AFAP1: variants seen among roughly 807,000 people sequenced by gnomAD.
AFAP1 encodes the protein actin filament associated protein 1.
A neutral mutation model predicts 93.9 loss-of-function variants in AFAP1; 75 were observed. That is an observed-to-expected ratio of 0.80 (90% CI 0.66 to 0.97). The LOEUF is 0.97. AFAP1 is among the 50% of genes least tolerant of loss of function. The probability of loss-of-function intolerance (pLI) is 0.00; values close to 1 mark genes in which losing one functional copy is unlikely to be tolerated. For synonymous variants in AFAP1, 517 were observed against 430.7 expected, an observed-to-expected ratio of 1.20 and a Z score of -2.48; for missense variants, 1,201 against 1,050.8, an observed-to-expected ratio of 1.14 and a Z score of -1.98.
chr4:7,765,732 C>T (rs1577168036), intron 17 of AFAP1, among the ~76,000 whole-genome samples: 1 of 152,326 alleles, frequency 6.6e-6, no homozygotes, highest in East Asian at 1.9e-4. Context: ...TGGAGGACAG[C>T]AGAAGGCACA....
At chr4:7,909,737 A>G (rs866294828) in intron 1 of AFAP1, among the ~76,000 whole-genome samples, 2 of 152,168 alleles carry the variant, frequency 1.3e-5, no homozygotes, top group African/African-American at 4.8e-5. Flanking sequence ...TTTTTACTGT[A>G]TATCAGAACC....
intron 6 of AFAP1, among the ~76,000 whole-genome samples, chr4:7,820,670 G>C (rs961418260): frequency 6.6e-6 from 1 of 152,120 alleles, no homozygotes; most frequent in South Asian, 2.1e-4. Context: ...GGGGGAGGAG[G>C]AGATGAGCAA....
chr4:7,829,061 C>T (rs539193321), intron 6 of AFAP1, among the ~76,000 whole-genome samples: 86 of 152,302 alleles, frequency 5.6e-4, no homozygotes, highest in African/African-American at 1.6e-3. Flanking sequence ...TCTTTTGCTC[C>T]GCACTTCTCT....
intron 1 of AFAP1, among the ~76,000 whole-genome samples, chr4:7,899,789 C>T (rs1030232968): frequency 2.6e-5 from 4 of 152,042 alleles, no homozygotes; most frequent in African/African-American, 4.8e-5. Flanking sequence ...CCAGAGATGG[C>T]AAATAGGCTT....
intron 1 of AFAP1, among the ~76,000 whole-genome samples, chr4:7,928,794 G>A (rs909262929): frequency 5.9e-5 from 9 of 152,108 alleles, no homozygotes; most frequent in African/African-American, 1.9e-4. Context: ...CTTCATACTC[G>A]TCCCACCTGT....
intron 15 of AFAP1, chr4:7,774,513 G>A: frequency 1.7e-6 from 1 of 604,082 alleles, no homozygotes; most frequent in Non-Finnish European, 2.7e-6. Flanking sequence ...CAGCGTGTGG[G>A]TCTGGCCCTG....
chr4:7,890,901 G>A (rs1373025326), intron 1 of AFAP1, among the ~76,000 whole-genome samples: 1 of 152,078 alleles, frequency 6.6e-6, no homozygotes, highest in African/African-American at 2.4e-5. Context: ...ATGAGATCCA[G>A]TAATGCCACT....
Position 7,768,939 on chromosome 4 carries a change from C to T in AFAP1, c.2323G>A (p.Gly775Ser), listed in dbSNP as rs757167105. 3 of 1,613,898 alleles carry T rather than the reference C, an allele frequency of 1.9e-6. No homozygotes were observed. The highest frequency in any genetic ancestry group is 2.2e-5 in the East Asian group (1 of 44,876). ...ISSCDTSDTE[G>S]PVPVNSAAVL... ...GCCGCGCTGTTCACCGGCACGGGGC[C>T]CTCGGTGTCACTGGTGTCACAGCTG... The change falls in exon 17 of 18, where the codon GGC becomes AGC. Residue 775 changes from glycine (G) to serine (S), a missense_variant. Gly to Ser is a moderately conservative substitution (Grantham distance 56, BLOSUM62 0). Coordinates refer to ENST00000420658, the MANE Select transcript of AFAP1 (RefSeq NM_001134647.2).
intron 7 of AFAP1, among the ~76,000 whole-genome samples, chr4:7,818,498 G>C (rs1031474897): frequency 3.9e-5 from 6 of 152,178 alleles, no homozygotes; most frequent in Non-Finnish European, 8.8e-5. Flanking sequence ...ATGGCAGGAA[G>C]CCAGGGGTCT....
intron 6 of AFAP1, among the ~76,000 whole-genome samples, chr4:7,836,802 C>T (rs964785080): frequency 2.0e-5 from 3 of 151,460 alleles, no homozygotes; most frequent in African/African-American, 7.3e-5. Context: ...ATGGTGATGG[C>T]TGCACAACTC....
chr4:7,777,113 C>T (rs1454644972), intron 14 of AFAP1: 2 of 152,146 alleles, frequency 1.3e-5, no homozygotes, highest in Non-Finnish European at 2.9e-5. Context: ...ATTGAGACTC[C>T]GTGGGACTCC....
chr4:7,835,863 T>C (rs1297540999), intron 6 of AFAP1, among the ~76,000 whole-genome samples: 2 of 151,728 alleles, frequency 1.3e-5, no homozygotes, highest in Non-Finnish European at 2.9e-5. Context: ...TGGGTGGCTC[T>C]TGAATGGACT....
Position 7,913,088 on chromosome 4 carries a change from C to T in AFAP1, c.-3+26568G>A, listed in dbSNP as rs114721224. On this transcript the variant is annotated intron_variant, in intron 1 of 17. Transcript: ENST00000420658. ...TGGTCTGCAACTCCTAGGCTCAAGTCATCATCCCACTTATATGGGGCCAGG... is the reference window on the plus strand; with the variant it reads ...TGGTCTGCAACTCCTAGGCTCAAGTTATCATCCCACTTATATGGGGCCAGG... 7.1e-3 allele frequency among the ~76,000 whole-genome samples: 1,084 copies of T among 152,230 alleles called. 9 individuals carry two copies. The highest frequency in any genetic ancestry group is 0.02 in the Middle Eastern group (6 of 294).
rs78945373 is a variant in AFAP1, at chr4:7,862,120, C to T, written c.225+6502G>A. 3.9e-5 allele frequency: 6 copies of T among 152,144 alleles called. No individual in the cohort carries two copies. The East Asian group carries it at 1.2e-3, about 29-fold the overall frequency. 9.4% of individuals were successfully genotyped at this position (152,144 alleles called of 1,614,324 possible). A position where few individuals can be genotyped will look rare whatever the true frequency, so the allele number is the denominator to read the frequency against. ...GGGTGAGGTGGGAGAATCACTTAAG[C>T]CCAGGAGTTCAAGACTAGCCTGGGA... On this transcript the variant is annotated intron_variant, in intron 3 of 17. Coordinates refer to ENST00000420658, the MANE Select transcript of AFAP1 (RefSeq NM_001134647.2).
At chr4:7,864,093 C>CCTTCCCAACTTCCCATCACAACA (rs1716094304) in intron 3 of AFAP1, among the ~76,000 whole-genome samples, 1 of 6,522 alleles carries the variant, frequency 1.5e-4, no homozygotes. Context: ...CCATCACAAC[C>CCTTCCCAACTTCCCATCACAACA]CATTCCCAAC....
chr4:7,840,271 T>TGTGTGTGC (rs768853149), intron 5 of AFAP1, among the ~76,000 whole-genome samples: 11 of 130,668 alleles, frequency 8.4e-5, no homozygotes, highest in East Asian at 2.1e-4. Flanking sequence ...GATGTGTGTG[T>TGTGTGTGC]GTGTGTGTGT....
At chr4:7,780,655 TTTTA>T (rs1489152148) in intron 13 of AFAP1, among the ~76,000 whole-genome samples, 1 of 151,996 alleles carries the variant, frequency 6.6e-6, no homozygotes, top group Non-Finnish European at 1.5e-5. Flanking sequence ...TTTTTTTTTT[TTTTA>T]AAAAGGCCTA....
chr4:7,780,782 T>C (rs1378183671), intron 13 of AFAP1, among the ~76,000 whole-genome samples: 3 of 152,200 alleles, frequency 2.0e-5, no homozygotes, highest in Non-Finnish European at 2.9e-5. Flanking sequence ...AAGTCCTTAT[T>C]ATCGTTATCT....
intron 10 of AFAP1, 111 bp from the exon 11 acceptor site, chr4:7,793,937 C>A: frequency 8.1e-7 from 1 of 1,239,660 alleles, no homozygotes; most frequent in Non-Finnish European, 1.1e-6. Context: ...ACATGATGTC[C>A]CTAAGAAGAA....
Sources: gnomAD v4.1 joint callset for allele counts (sites outside exome capture counted in the v4.1 genomes callset) on GRCh38, gnomAD v4.1.1 for gene constraint, MANE v1.5 for transcripts, NCBI Gene and HGNC (gene_info 2026-07-23, HGNC 2026-07-21) for gene names.